The following GNE variants were observed in gnomAD, a reference collection of about 807,000 sequenced individuals.
GNE encodes the protein bifunctional UDP-N-acetylglucosamine 2-epimerase/N-acetylmannosamine kinase.
A neutral mutation model predicts 61.8 loss-of-function variants in GNE; 41 were observed. The ratio of observed to expected loss-of-function variants is 0.66; its 90% confidence interval spans 0.52 to 0.86. The LOEUF (loss-of-function observed/expected upper bound fraction) is 0.86. GNE is among the 40% of genes least tolerant of loss of function. The pLI is 0.00. For synonymous variants in GNE, 264 were observed against 326.4 expected, an observed-to-expected ratio of 0.81 and a Z score of 2.06; for missense variants, 608 against 909.1, an observed-to-expected ratio of 0.67 and a Z score of 4.26.
At chr9:36,224,417 G>A (rs184275444) in intron 7 of GNE, among the ~76,000 whole-genome samples, 1 of 152,176 alleles carries the variant, frequency 6.6e-6, no homozygotes, top group Admixed American at 6.5e-5. Context: ...CTGGGCAACA[G>A]AGTGAGACCC....
At chr9:36,249,861 G>A (rs1236693741) in intron 1 of GNE, among the ~76,000 whole-genome samples, 6 of 151,542 alleles carry the variant, frequency 4.0e-5, no homozygotes, top group Non-Finnish European at 8.8e-5. Flanking sequence ...TCCAGCCTGG[G>A]TGACAGAGCG....
chr9:36,232,801 T>C (rs919404699), intron 5 of GNE, among the ~76,000 whole-genome samples: 2 of 152,244 alleles, frequency 1.3e-5, no homozygotes, highest in African/African-American at 4.8e-5. Context: ...CACTAGAATG[T>C]AAGTTACACG....
At chr9:36,245,527 A>G (rs1829835184) in intron 3 of GNE, among the ~76,000 whole-genome samples, 1 of 151,872 alleles carries the variant, frequency 6.6e-6, no homozygotes, top group East Asian at 1.9e-4. Flanking sequence ...TAGAAAAATT[A>G]GCCGGTCATG....
chr9:36,262,343 C>A (rs1830639175), upstream of GNE, among the ~76,000 whole-genome samples: 1 of 152,060 alleles, frequency 6.6e-6, no homozygotes, highest in South Asian at 2.1e-4. Context: ...ATGAAATAAT[C>A]TTTTTAGAAT....
rs779893695 is a variant in GNE, at chr9:36,222,880, G to T, written c.1530C>A (p.Leu510=). 6.2e-7 allele frequency: 1 copy of T among 1,614,110 alleles called. No individual in the cohort carries two copies. The highest frequency in any genetic ancestry group is 2.2e-5 in the East Asian group (1 of 44,882). The stretch of plus-strand genomic sequence containing the variant: ...TGCCATCATTGTCTACCCACACAGG[G>T]AGATGCAAAGTGTCAGAAAGGGGGG... ...LRTPLSDTLH[L]PVWVDNDGNC... The change falls in exon 9 of 12, where the codon CTC becomes CTA. Residue 510 remains leucine (L), a synonymous_variant. Coordinates refer to ENST00000642385, the MANE Select transcript of GNE (RefSeq NM_005476.7).
chr9:36,264,688 G>A (rs1021623678), intron 1 of GNE, among the ~76,000 whole-genome samples: 1 of 152,178 alleles, frequency 6.6e-6, no homozygotes, highest in African/African-American at 2.4e-5. Flanking sequence ...TTAGGAAGGT[G>A]ACCGCATCCA....
intron 1 of GNE, among the ~76,000 whole-genome samples, chr9:36,270,742 C>T (rs534616397): frequency 4.6e-5 from 7 of 152,076 alleles, no homozygotes; most frequent in Admixed American, 3.3e-4. Context: ...TGGTCTCGAT[C>T]TCCTGACCTC....
At chr9:36,221,562 A>C (rs1444442188) in intron 9 of GNE, among the ~76,000 whole-genome samples, 1 of 152,252 alleles carries the variant, frequency 6.6e-6, no homozygotes, top group Non-Finnish European at 1.5e-5. Flanking sequence ...AGGGAACTCC[A>C]AAGGTCCATT....
At chr9:36,270,773 TC>T (rs1173433865) in intron 1 of GNE, among the ~76,000 whole-genome samples, 1 of 152,014 alleles carries the variant, frequency 6.6e-6, no homozygotes, top group African/African-American at 2.4e-5. Flanking sequence ...CACCTCAGCC[TC>T]CCAAAGTGCT....
chr9:36,237,098 A>C (rs760911596), intron 3 of GNE, 114 bp from the exon 4 acceptor site: 7 of 828,580 alleles, frequency 8.4e-6, no homozygotes, highest in Non-Finnish European at 1.4e-5. Context: ...TCTACGATAG[A>C]AACAGTTTGT....
At chr9:36,271,535 G>T (rs1309808442) in intron 1 of GNE, among the ~76,000 whole-genome samples, 1 of 152,052 alleles carries the variant, frequency 6.6e-6, no homozygotes, top group African/African-American at 2.4e-5. Context: ...CATCACACCT[G>T]GCTAATTTCT....
intron 4 of GNE, among the ~76,000 whole-genome samples, chr9:36,235,501 A>T (rs913732706): frequency 6.6e-6 from 1 of 152,218 alleles, no homozygotes; most frequent in Non-Finnish European, 1.5e-5. Flanking sequence ...TAGAAAAAAA[A>T]TACCTCTAAT....
intron 2 of GNE, among the ~76,000 whole-genome samples, chr9:36,247,647 CCACT>C (rs1048032420): frequency 1.1e-4 from 16 of 152,036 alleles, no homozygotes; most frequent in African/African-American, 3.6e-4. Context: ...GTAAAAGAAC[CCACT>C]CAAACTTTCA....
In GNE at chr9:36,219,861, C is replaced by CTTT. The variant is rs1828505990; in HGVS notation, c.1792_1793insAAA (p.Gln597_Arg598insLys). 1 of 1,613,938 alleles carries CTTT rather than the reference C, an allele frequency of 6.2e-7. No individual in the cohort carries two copies. Among genetic ancestry groups the CTTT allele is most frequent in the Non-Finnish European group, 8.5e-7 (1 of 1,179,960 alleles). ...ACCATCATGGAGCTTTTTTGCCTCC[C>CTTT]TCTGCAAGGCCATTCCAGAGGCGTA... On this transcript the variant is annotated inframe_insertion, in exon 10 of 12. Coordinates refer to ENST00000642385, the MANE Select transcript of GNE (RefSeq NM_005476.7).
intron 2 of GNE, among the ~76,000 whole-genome samples, chr9:36,247,966 C>CA (rs1829959185): frequency 7.0e-6 from 1 of 142,098 alleles, no homozygotes; most frequent in Admixed American, 7.6e-5. Flanking sequence ...GTGGAAGTTG[C>CA]AGTGAGCCGA....
chr9:36,219,269 G>A lies in GNE; in HGVS notation c.1816+569C>T, dbSNP rs144233234. 3.7e-3 allele frequency among the ~76,000 whole-genome samples: 567 copies of A among 151,982 alleles called. 9 individuals are homozygous for A. The highest frequency in any genetic ancestry group is 0.013 in the African/African-American group (549 of 41,418). ...TCCTGTCCCATACACCCATCATCTC[G>A]GCTCGCCATGCCCTCTCGTGGACCC... On this transcript the variant is annotated intron_variant, in intron 10 of 11. Transcript: ENST00000642385.
chr9:36,217,490 C>G lies in GNE; in HGVS notation c.2044G>C (p.Val682Leu), dbSNP rs768384042. 6.2e-7 allele frequency: 1 copy of G among 1,614,082 alleles called. No homozygotes were observed. The highest frequency in any genetic ancestry group is 2.2e-5 in the East Asian group (1 of 44,890). ...ASHYIHIVKD[V>L]IRQQALSSVQ... ...GAGGACAAGGCCTGCTGGCGAATGA[C>G]GTCTTTGACAATGTGGATATAGTGA... The change falls in exon 12 of 12, where the codon GTC (valine) becomes CTC (leucine). Residue 682 changes from valine to leucine, a missense_variant. Transcript: ENST00000642385.
Position 36,216,811 on chromosome 9 carries a change from C to T in GNE, c.*554G>A, listed in dbSNP as rs755277976. On this transcript the variant is annotated 3_prime_UTR_variant, in exon 12 of 12. Transcript: ENST00000642385. ...CTCAGCCTCCCGAGTAGCTGGGACC[C>T]GCCACCACACCCAGCTAATTTTTTG... 9 of 166,644 alleles carry T rather than the reference C, an allele frequency of 5.4e-5. No individual in the cohort carries two copies. Among genetic ancestry groups the T allele is most frequent in the Middle Eastern group, 3.1e-3 (1 of 324 alleles). 10.3% of individuals were successfully genotyped at this position (166,644 alleles called of 1,614,324 possible). A position where few individuals can be genotyped will look rare whatever the true frequency, so the allele number is the denominator to read the frequency against.
At chr9:36,257,246 G>T (rs190476579) in intron 1 of GNE, among the ~76,000 whole-genome samples, 119 of 152,230 alleles carry the variant, frequency 7.8e-4, no homozygotes, top group African/African-American at 2.8e-3. Flanking sequence ...ACATCCATGA[G>T]TACAAATCTT....
Sources: allele counts gnomAD v4.1 joint callset (sites outside exome capture counted in the v4.1 genomes callset), GRCh38; gene constraint gnomAD v4.1.1; transcripts MANE v1.5; gene names NCBI Gene and HGNC (gene_info 2026-07-23, HGNC 2026-07-21).